TSGA10: variants seen among roughly 807,000 people sequenced by gnomAD.
TSGA10 encodes the protein testis specific 10.
In TSGA10, 43 loss-of-function variants were observed where a neutral mutation model predicts 96.6. The ratio of observed to expected loss-of-function variants is 0.44; its 90% CI spans 0.35 to 0.57. The LOEUF is 0.57. Among genes scored for constraint, TSGA10 ranks in the 20% least tolerant of loss-of-function variants. The pLI, the probability that TSGA10 is intolerant of heterozygous loss-of-function variation, is 0.01. For missense variants in TSGA10, 703 were observed against 834.4 expected, an observed-to-expected ratio of 0.84 and a Z score of 1.94; for synonymous variants, 229 against 269.9, an observed-to-expected ratio of 0.85 and a Z score of 1.48.
chr2:99,123,969 T>C (rs2104966995), intron 2 of TSGA10, among the ~76,000 whole-genome samples: 1 of 152,384 alleles, frequency 6.6e-6, no homozygotes, highest in Admixed American at 6.5e-5. Flanking sequence ...GGAGTCCGTG[T>C]TTTCAACTCT....
At chr2:99,056,341 T>C (rs78551573) in intron 16 of TSGA10, among the ~76,000 whole-genome samples, 5,222 of 152,210 alleles carry the variant, frequency 0.034, 162 homozygotes, top group Non-Finnish European at 0.051. Flanking sequence ...AGAAATGAAA[T>C]AATGTAGTAA....
At chr2:99,129,419 T>C (rs1263313644) in intron 1 of TSGA10, among the ~76,000 whole-genome samples, 1 of 152,198 alleles carries the variant, frequency 6.6e-6, no homozygotes, top group African/African-American at 2.4e-5. Context: ...ACTTTCTTCC[T>C]CCTCTTTGGT....
chr2:99,012,743 A>G (rs762757029), intron 20 of TSGA10, among the ~76,000 whole-genome samples: 1 of 152,220 alleles, frequency 6.6e-6, no homozygotes, highest in Non-Finnish European at 1.5e-5. Flanking sequence ...GGAGACTTCA[A>G]TACTCCACTG....
chr2:99,093,669 A>C (rs1232028892), intron 10 of TSGA10, among the ~76,000 whole-genome samples: 3 of 152,260 alleles, frequency 2.0e-5, no homozygotes, highest in South Asian at 2.1e-4. Context: ...AAGAAAAAAA[A>C]AACAACTTGG....
chr2:99,147,217 T>C (rs763066516), intron 1 of TSGA10: 3 of 439,418 alleles, frequency 6.8e-6, no homozygotes, highest in Non-Finnish European at 1.2e-5. Context: ...CCCAGGCTGG[T>C]CTCAAACTGC....
intron 17 of TSGA10, among the ~76,000 whole-genome samples, chr2:99,021,658 A>G (rs1479939601): frequency 6.6e-6 from 1 of 152,216 alleles, no homozygotes; most frequent in Non-Finnish European, 1.5e-5. Flanking sequence ...GCTTAGCAGT[A>G]TCCCTGGCCT....
intron 20 of TSGA10, 110 bp downstream of exon 20, chr2:99,018,090 T>C: frequency 3.9e-6 from 4 of 1,038,622 alleles, no homozygotes; most frequent in Non-Finnish European, 5.3e-6. Flanking sequence ...TAATCATGTT[T>C]AAATATCACT....
intron 1 of TSGA10, among the ~76,000 whole-genome samples, chr2:99,129,013 TTACA>T (rs2092952708): frequency 6.6e-6 from 1 of 152,168 alleles, no homozygotes; most frequent in Non-Finnish European, 1.5e-5. Context: ...CTCCCTGGGA[TTACA>T]GGCATGAGCC....
intron 16 of TSGA10, among the ~76,000 whole-genome samples, chr2:99,052,236 C>G (rs965665586): frequency 4.0e-5 from 6 of 151,404 alleles, no homozygotes; most frequent in African/African-American, 1.5e-4. Context: ...AAAACTTTAG[C>G]CAAACTAAGA....
chr2:99,079,356 G>A (rs2087142749), intron 11 of TSGA10, among the ~76,000 whole-genome samples: 2 of 152,176 alleles, frequency 1.3e-5, no homozygotes, highest in Non-Finnish European at 2.9e-5. Context: ...GATTCAATCT[G>A]TGAGAACTCT....
chr2:99,033,262 C>T (rs1049163171), intron 17 of TSGA10, among the ~76,000 whole-genome samples: 1 of 152,178 alleles, frequency 6.6e-6, no homozygotes, highest in African/African-American at 2.4e-5. Flanking sequence ...AAAGTACATG[C>T]CCTTAACTCA....
intron 1 of TSGA10, among the ~76,000 whole-genome samples, chr2:99,145,481 C>T (rs1434701858): frequency 1.3e-5 from 2 of 151,944 alleles, no homozygotes; most frequent in Admixed American, 6.6e-5. Flanking sequence ...TCACTTGAAC[C>T]CAGGAGGCGG....
intron 17 of TSGA10, among the ~76,000 whole-genome samples, chr2:99,031,856 C>T (rs1257025358): frequency 6.6e-6 from 1 of 152,210 alleles, no homozygotes; most frequent in Non-Finnish European, 1.5e-5. Flanking sequence ...CAGTTGTGCA[C>T]TCTTTAAAGG....
chr2:99,009,101 C>A (rs774764093), intron 20 of TSGA10, among the ~76,000 whole-genome samples: 3 of 151,810 alleles, frequency 2.0e-5, no homozygotes, highest in Non-Finnish European at 4.4e-5. Flanking sequence ...TGCTAATCTA[C>A]ATATTCAAAA....
At chr2:99,111,875 C>G (rs1026443851) in intron 4 of TSGA10, among the ~76,000 whole-genome samples, 1 of 151,902 alleles carries the variant, frequency 6.6e-6, no homozygotes, top group African/African-American at 2.4e-5. Flanking sequence ...ATTCACTCTG[C>G]AAAACAGAGT....
At chr2:99,028,580 A>C (rs2080853078) in intron 17 of TSGA10, among the ~76,000 whole-genome samples, 1 of 151,986 alleles carries the variant, frequency 6.6e-6, no homozygotes, top group South Asian at 2.1e-4. Context: ...TGTAACTGAA[A>C]ATTTGCACCC....
intron 17 of TSGA10, among the ~76,000 whole-genome samples, chr2:99,027,316 GT>G (rs2080704408): frequency 6.6e-6 from 1 of 152,184 alleles, no homozygotes; most frequent in South Asian, 2.1e-4. Flanking sequence ...GACAAATACT[GT>G]ATGATCTTAC....
At chr2:99,004,758 T>C (rs1192141458) in intron 20 of TSGA10, among the ~76,000 whole-genome samples, 1 of 151,998 alleles carries the variant, frequency 6.6e-6, no homozygotes, top group Non-Finnish European at 1.5e-5. Flanking sequence ...TTCCAATCAA[T>C]AGAAAAAGAG....
chr2:99,042,626 CTATACTGACTACACATACATACGT>C (rs1315057623), intron 16 of TSGA10, among the ~76,000 whole-genome samples: 1 of 152,014 alleles, frequency 6.6e-6, no homozygotes, highest in Non-Finnish European at 1.5e-5. Context: ...TCTGTCTGTG[CTATACTGACTACACATACATACGT>C]ATATGTGCAA....
Sources: gnomAD v4.1 joint callset for allele counts (sites outside exome capture counted in the v4.1 genomes callset) on GRCh38, gnomAD v4.1.1 for gene constraint, MANE v1.5 for transcripts, NCBI Gene and HGNC (gene_info 2026-07-23, HGNC 2026-07-21) for gene names.